The following EEF1D variants were observed in gnomAD, a reference collection of about 807,000 sequenced individuals.
EEF1D encodes the protein eukaryotic translation elongation factor 1 delta, also known as elongation factor 1-delta.
A neutral mutation model predicts 63.9 loss-of-function variants in EEF1D; 47 were observed. The ratio of observed to expected loss-of-function variants is 0.74; its 90% confidence interval spans 0.58 to 0.94. The LOEUF (loss-of-function observed/expected upper bound fraction) is 0.94, where lower values mean the gene tolerates loss of function less well. Among genes scored for constraint, EEF1D ranks in the 40% least tolerant of loss-of-function variants. The probability of loss-of-function intolerance (pLI) is 0.00; values close to 1 mark genes in which losing one functional copy is unlikely to be tolerated. For synonymous variants in EEF1D, 412 were observed against 386.1 expected (o/e 1.07, Z -0.79); for missense variants, 907 against 899.0 (o/e 1.01, Z -0.11).
At chr8:143,586,698 G>A in intron 4 of EEF1D, 31 bp downstream of exon 4, 1 of 1,606,342 alleles carries the variant, frequency 6.2e-7, no homozygotes, top group East Asian at 2.2e-5. Flanking sequence ...GGGCAGCAGA[G>A]CCGCCCAGCC....
intron 5 of EEF1D, chr8:143,582,269 C>A (rs990767375): frequency 2.6e-5 from 4 of 152,332 alleles, no homozygotes; most frequent in African/African-American, 9.6e-5. Flanking sequence ...CCCCGCAGAT[C>A]ATGGGCAAGG....
intron 7 of EEF1D, 76 bp downstream of exon 7, chr8:143,580,978 C>A (rs1045345082): frequency 5.3e-5 from 80 of 1,498,258 alleles, no homozygotes; most frequent in Middle Eastern, 2.4e-4. Flanking sequence ...GCTGCTGGGG[C>A]CAGCCCACAG....
intron 1 of EEF1D, 109 bp downstream of exon 1, chr8:143,597,239 C>T (rs985880270): frequency 4.6e-5 from 7 of 152,184 alleles, no homozygotes; most frequent in African/African-American, 1.7e-4. Flanking sequence ...ACTTGTGCCT[C>T]AGTCCCTAAC....
chr8:143,587,080 G>C (rs1826808144), intron 3 of EEF1D: 1 of 451,106 alleles, frequency 2.2e-6, no homozygotes, highest in Admixed American at 3.9e-5. Flanking sequence ...GGGTCCCCAG[G>C]CCCTTCCCTT....
At chr8:143,587,912 C>T (rs1368200769) in intron 3 of EEF1D, among the ~76,000 whole-genome samples, 1 of 152,236 alleles carries the variant, frequency 6.6e-6, no homozygotes, top group Non-Finnish European at 1.5e-5. Context: ...GACCCTCTTA[C>T]TGTCCAACCA....
At chr8:143,583,039 C>A (rs1322040964) in intron 5 of EEF1D, 1 of 152,342 alleles carries the variant, frequency 6.6e-6, no homozygotes, top group African/African-American at 2.4e-5. Context: ...GAGTCTTATC[C>A]CCCGGTATCT....
At chr8:143,583,802 A>C (rs1237540174) in intron 5 of EEF1D, 1 of 152,312 alleles carries the variant, frequency 6.6e-6, no homozygotes, top group Non-Finnish European at 1.5e-5. Flanking sequence ...TGTAGATGTG[A>C]TAAGATTAAG....
chr8:143,580,714 A>G lies in EEF1D; in HGVS notation c.1502T>C (p.Met501Thr), dbSNP rs774673579. The change falls in exon 8 of 10, where the codon ATG becomes ACG. Residue 501 changes from methionine to threonine, a missense_variant. Met to Thr is a moderately conservative substitution (Grantham distance 81). Transcript: ENST00000618139. Reference sequence around the variant, plus strand: ...CTTGGCTGGGGGCTCCACTTGGCGCATGGGAGATACGTGCTGCCACAGGGG... The same window carrying G: ...CTTGGCTGGGGGCTCCACTTGGCGCGTGGGAGATACGTGCTGCCACAGGGG... ...TAPQTQHVSP[M>T]RQVEPPAKKP... 1 of 1,613,276 alleles carries G rather than the reference A, an allele frequency of 6.2e-7. No homozygotes were observed. Among genetic ancestry groups the G allele is most frequent in the Non-Finnish European group, 8.5e-7 (1 of 1,179,988 alleles).
chr8:143,581,413 G>A (rs1209691799), intron 5 of EEF1D, 85 bp from the exon 6 acceptor site: 1 of 1,253,530 alleles, frequency 8.0e-7, no homozygotes. Flanking sequence ...GGAACTCACG[G>A]AAGGAAAACT....
chr8:143,591,382 G>A (rs1026616901), intron 2 of EEF1D, among the ~76,000 whole-genome samples: 1 of 152,172 alleles, frequency 6.6e-6, no homozygotes, highest in African/African-American at 2.4e-5. Flanking sequence ...CCGGGGGCAC[G>A]CTCTGCTCCC....
Position 143,581,280 on chromosome 8 carries a change from G to A in EEF1D, c.1336C>T (p.Leu446Phe). 2 of 1,612,446 alleles carry A rather than the reference G, an allele frequency of 1.2e-6. No homozygotes were observed. The highest frequency in any genetic ancestry group is 1.7e-6 in the Non-Finnish European group (2 of 1,179,994). Residue 446 changes from leucine to phenylalanine, a missense_variant, in exon 6 of 10, where the codon CTC (leucine) becomes TTC (phenylalanine). By Grantham distance (22) the Leu-to-Phe change is conservative (BLOSUM62 0). Coordinates refer to ENST00000618139, the MANE Select transcript of EEF1D (RefSeq NM_001130053.5). The stretch of plus-strand genomic sequence containing the variant: ...TCCAGACTGGCAATCCGGACGACGA[G>A]CTCACCGTGGTCTCCGCTGGTGCCG... Reference protein sequence around the residue: ...SSGTSGDHGELVVRIASLEVE... With the variant: ...SSGTSGDHGEFVVRIASLEVE...
At chr8:143,595,394 C>T (rs564428251) in intron 1 of EEF1D, among the ~76,000 whole-genome samples, 11 of 151,738 alleles carry the variant, frequency 7.2e-5, no homozygotes, top group Middle Eastern at 3.4e-3. Context: ...TTAGTAGAGA[C>T]GGGGTTTCAC....
rs759137271 is a variant in EEF1D at position 143,589,746 on chromosome 8, C to T, written c.336G>A (p.Trp112Ter). 6.5e-7 allele frequency: 1 copy of T among 1,531,240 alleles called. No individual in the cohort carries two copies. The highest frequency in any genetic ancestry group is 2.3e-5 in the East Asian group (1 of 44,060). The allele number at this position is 1,531,240 out of a possible 1,614,324, so 94.9% of individuals were successfully genotyped here. A position where few individuals can be genotyped will look rare whatever the true frequency, so the allele number is the denominator to read the frequency against. The change falls in exon 3 of 10, where the codon TGG becomes TGA. Residue 112 changes from tryptophan (W) to a stop codon, truncating the protein, a stop_gained. Transcript: ENST00000618139. LOFTEE classifies it high-confidence loss of function. Reference protein sequence around the residue: ...ALLGLSAERVWLDKSLFDQAE... With the variant: ...ALLGLSAERV Reference sequence around the variant, plus strand: ...CCTGGTCGAAAAGTGACTTGTCCAGCCACACGCGTTCGGCCGAGAGGCCCA... The same window carrying T: ...CCTGGTCGAAAAGTGACTTGTCCAGTCACACGCGTTCGGCCGAGAGGCCCA...
rs373932200 is a variant in EEF1D at position 143,589,207 on chromosome 8, C to T, written c.875G>A (p.Arg292Gln). The change falls in exon 3 of 10, where the codon CGA becomes CAA. Residue 292 changes from arginine (R) to glutamine (Q), a missense_variant. Transcript: ENST00000618139. ...AGAGGGGGCCTCCCCATCGGCCCGT[C>T]GCAGCCCGGCCCGCTTGTTCCCTAA... is the stretch of plus-strand genomic sequence containing the variant. ...NILGNKRAGL[R>Q]RADGEAPSAL... 52 of 1,587,148 alleles carry T rather than the reference C, an allele frequency of 3.3e-5. No individual in the cohort carries two copies. The highest frequency in any genetic ancestry group is 3.3e-4 in the Middle Eastern group (2 of 5,974).
At chr8:143,592,529 C>A in intron 2 of EEF1D, 118 bp downstream of exon 2, 1 of 902,432 alleles carries the variant, frequency 1.1e-6, no homozygotes, top group African/African-American at 1.8e-5. Flanking sequence ...GAAACTGAGG[C>A]CCTCTGGGCA....
chr8:143,586,899 C>G, intron 3 of EEF1D, 47 bp from the exon 4 acceptor site: 1 of 1,607,768 alleles, frequency 6.2e-7, no homozygotes, highest in Middle Eastern at 1.7e-4. Flanking sequence ...AAGTGGGCCT[C>G]GGCATCAGGA....
chr8:143,589,366 T>C lies in EEF1D; in HGVS notation c.716A>G (p.Tyr239Cys). 1.3e-6 allele frequency: 2 copies of C among 1,556,336 alleles called. No individual in the cohort carries two copies. The highest frequency in any genetic ancestry group is 1.7e-6 in the Non-Finnish European group (2 of 1,147,316). The stretch of plus-strand genomic sequence containing the variant: ...GTAGAAGCCCCTCTCGGCTGCATCA[T>C]ACCGGGGCTTCTCCAGCCACACCTC... Reference protein sequence around the residue: ...VREVWLEKPRYDAAERGFYEA... With the variant: ...VREVWLEKPRCDAAERGFYEA... Residue 239 changes from tyrosine to cysteine, a missense_variant, in exon 3 of 10, where the codon TAT (tyrosine) becomes TGT (cysteine). Transcript: ENST00000618139.
At chr8:143,596,918 C>T (rs1199633044) in intron 1 of EEF1D, 1 of 152,364 alleles carries the variant, frequency 6.6e-6, no homozygotes, top group Non-Finnish European at 1.5e-5. Context: ...CGTGCCTATC[C>T]CCTCCGTGCT....
intron 8 of EEF1D, 149 bp from the exon 9 acceptor site, chr8:143,580,355 G>C: frequency 8.1e-7 from 1 of 1,233,118 alleles, no homozygotes; most frequent in Admixed American, 2.5e-5. Flanking sequence ...ACACCTTCCT[G>C]CCTCCAAGTT....
Sources: allele counts gnomAD v4.1 joint callset (sites outside exome capture counted in the v4.1 genomes callset), GRCh38; gene constraint gnomAD v4.1.1; transcripts MANE v1.5; gene names NCBI Gene and HGNC (gene_info 2026-07-23, HGNC 2026-07-21).